VRK2: variants seen among roughly 807,000 people sequenced by gnomAD.
VRK2 encodes serine/threonine-protein kinase VRK2.
VRK2 carries 60 observed loss-of-function variants against 57.6 expected under a neutral mutation model. The ratio of observed to expected loss-of-function variants is 1.04; its 90% CI spans 0.85 to 1.29. The LOEUF is 1.29. VRK2 is among the 50% of genes most tolerant of loss of function. The pLI is 0.00. For missense variants in VRK2, 705 were observed against 588.1 expected (o/e 1.20, Z -2.06); for synonymous variants, 231 against 199.2 (o/e 1.16, Z -1.35).
chr2:57,966,292 G>A, intron 1 of VRK2, among the ~76,000 whole-genome samples: 1 of 152,304 alleles, frequency 6.6e-6, no homozygotes, highest in Non-Finnish European at 1.5e-5. Context: ...ACAGGATCAA[G>A]GGCAAGCAGC....
At chr2:58,026,698 A>C (rs1572797855) in intron 2 of VRK2, 1 of 152,074 alleles carries the variant, frequency 6.6e-6, no homozygotes, top group East Asian at 1.9e-4. Flanking sequence ...GAATCTATAA[A>C]CTTTAGCAGT....
At chr2:58,022,575 G>T (rs538647914) in intron 1 of VRK2, among the ~76,000 whole-genome samples, 1 of 152,154 alleles carries the variant, frequency 6.6e-6, no homozygotes, top group Non-Finnish European at 1.5e-5. Flanking sequence ...AATATGAGAG[G>T]TAAGAAATTC....
chr2:57,917,387 C>T (rs905889636), intron 1 of VRK2, among the ~76,000 whole-genome samples: 24 of 151,540 alleles, frequency 1.6e-4, no homozygotes, highest in African/African-American at 4.6e-4. Flanking sequence ...AAATTGAAGA[C>T]GAGTCTTTCA....
chr2:58,016,257 T>C (rs561026696), intron 1 of VRK2, among the ~76,000 whole-genome samples: 14 of 151,656 alleles, frequency 9.2e-5, no homozygotes, highest in African/African-American at 3.2e-4. Context: ...CACATAAGTG[T>C]TCAAAAACTA....
upstream of VRK2, among the ~76,000 whole-genome samples, chr2:58,044,880 G>C (rs1674622629): frequency 6.6e-6 from 1 of 152,126 alleles, no homozygotes; most frequent in Non-Finnish European, 1.5e-5. Context: ...TCATGTTGGG[G>C]GATATTTTGG....
intron 1 of VRK2, among the ~76,000 whole-genome samples, chr2:57,916,967 C>T (rs997392477): frequency 1.3e-5 from 2 of 152,080 alleles, no homozygotes; most frequent in African/African-American, 2.4e-5. Flanking sequence ...ATTTTAGAAG[C>T]CTAAATAAGT....
intron 2 of VRK2, among the ~76,000 whole-genome samples, chr2:58,080,092 ATTTC>A (rs1364831076): frequency 6.6e-6 from 1 of 151,936 alleles, no homozygotes; most frequent in Non-Finnish European, 1.5e-5. Context: ...AAGCAAAAAT[ATTTC>A]TTTATTTGTG....
chr2:57,959,167 G>A (rs1263599723), intron 1 of VRK2, among the ~76,000 whole-genome samples: 4 of 151,960 alleles, frequency 2.6e-5, no homozygotes, highest in Non-Finnish European at 5.9e-5. Context: ...AACAAATTTG[G>A]GTGTTCTATC....
intron 2 of VRK2, among the ~76,000 whole-genome samples, chr2:58,030,139 G>A (rs1235138939): frequency 6.6e-6 from 1 of 151,958 alleles, no homozygotes; most frequent in African/African-American, 2.4e-5. Flanking sequence ...ATTGTCTGAG[G>A]CCTCCTTTAG....
At chr2:57,957,377 T>C (rs77181238) in intron 1 of VRK2, among the ~76,000 whole-genome samples, 2,891 of 152,090 alleles carry the variant, frequency 0.019, 85 homozygotes, top group African/African-American at 0.065. Flanking sequence ...CCAGTGATAG[T>C]GAAGGATTTG....
chr2:57,916,269 G>C (rs1038210541), intron 1 of VRK2, among the ~76,000 whole-genome samples: 1 of 151,934 alleles, frequency 6.6e-6, no homozygotes, highest in African/African-American at 2.4e-5. Context: ...AGCCAAGCAT[G>C]GTGGCACATA....
chr2:58,004,939 T>C (rs965598605), intron 1 of VRK2, among the ~76,000 whole-genome samples: 1 of 152,178 alleles, frequency 6.6e-6, no homozygotes, highest in Non-Finnish European at 1.5e-5. Context: ...ACAGTGAATG[T>C]AGAGACTTAC....
intron 1 of VRK2, among the ~76,000 whole-genome samples, chr2:57,957,473 G>T (rs562493827): frequency 6.6e-6 from 1 of 151,632 alleles, no homozygotes; most frequent in Non-Finnish European, 1.5e-5. Flanking sequence ...CAGTGATTAC[G>T]CAATAAAGTG....
rs397868874 is a variant in VRK2, at chr2:58,120,184, C to CTTTTTTTTTTTTTTTT, written c.544-2908_544-2893dup. 5.8e-3 allele frequency among the ~76,000 whole-genome samples: 303 copies of CTTTTTTTTTTTTTTTT among 51,924 alleles called. 13 individuals carry two copies. Among genetic ancestry groups the CTTTTTTTTTTTTTTTT allele is most frequent in the Middle Eastern group, 0.02 (1 of 50 alleles). The allele number at this position is 51,924 out of a possible 152,430, so 34.1% of individuals were successfully genotyped here. Reference sequence around the variant, plus strand: ...CTTTTTGTCTATTTTTTTTTCTTTTCTTTTTTTTTTTTTTTTTTTTTTTTG... The same window carrying CTTTTTTTTTTTTTTTT: ...CTTTTTGTCTATTTTTTTTTCTTTTCTTTTTTTTTTTTTTTTTTTTTTTTTTTTTTTTTTTTTTTTG... On this transcript the variant is annotated intron_variant, in intron 7 of 12. Coordinates refer to ENST00000340157, the MANE Select transcript of VRK2 (RefSeq NM_006296.7).
chr2:58,089,685 G>A lies in VRK2; in HGVS notation c.505G>A (p.Ala169Thr), dbSNP rs755909448. The change falls in exon 7 of 13, where the codon GCA becomes ACA. Residue 169 changes from alanine to threonine, a missense_variant. Ala to Thr is a moderately conservative substitution (Grantham distance 58). Coordinates refer to ENST00000340157, the MANE Select transcript of VRK2 (RefSeq NM_006296.7). ...TGAATATGTTCATGGTGATATAAAAGCAGCAAATCTACTTTTGGGTTACAA... is the reference window on the plus strand; with the variant it reads ...TGAATATGTTCATGGTGATATAAAAACAGCAAATCTACTTTTGGGTTACAA... ...ENEYVHGDIKAANLLLGYKNP... is the reference protein window; with the variant it reads ...ENEYVHGDIKTANLLLGYKNP... 1.2e-6 allele frequency: 2 copies of A among 1,608,596 alleles called. No homozygotes were observed. The highest frequency in any genetic ancestry group is 1.1e-5 in the South Asian group (1 of 90,522).
At chr2:58,038,921 G>A (rs749300897) in intron 3 of VRK2, among the ~76,000 whole-genome samples, 6 of 151,720 alleles carry the variant, frequency 4.0e-5, no homozygotes, top group Non-Finnish European at 7.4e-5. Context: ...TGATAATTTG[G>A]AATAAAACAA....
chr2:58,157,730 G>A (rs544749901), intron 12 of VRK2, among the ~76,000 whole-genome samples: 7 of 152,292 alleles, frequency 4.6e-5, no homozygotes, highest in East Asian at 1.9e-4. Context: ...GAATAATGCC[G>A]TAGAGCAGGG....
intron 1 of VRK2, among the ~76,000 whole-genome samples, chr2:58,018,774 G>C (rs1399063158): frequency 6.6e-6 from 1 of 151,992 alleles, no homozygotes; most frequent in Non-Finnish European, 1.5e-5. Flanking sequence ...CTGTGGGCTA[G>C]GCACACCTGA....
chr2:58,031,482 G>A (rs1036200330), intron 2 of VRK2, among the ~76,000 whole-genome samples: 1 of 151,974 alleles, frequency 6.6e-6, no homozygotes, highest in Non-Finnish European at 1.5e-5. Flanking sequence ...AGTAAGGGCA[G>A]AGAAAAATAA....
Sources: allele counts gnomAD v4.1 joint callset (sites outside exome capture counted in the v4.1 genomes callset), GRCh38; gene constraint gnomAD v4.1.1; transcripts MANE v1.5; gene names NCBI Gene and HGNC (gene_info 2026-07-23, HGNC 2026-07-21).